Variants in PAPOLA observed in about 807,000 individuals in gnomAD.
The protein encoded by PAPOLA is poly(A) polymerase alpha, also known as polynucleotide adenylyltransferase alpha.
A neutral mutation model predicts 100.6 loss-of-function variants in PAPOLA; 15 were observed. That is an observed-to-expected ratio of 0.15 (90% CI 0.10 to 0.23). The LOEUF is 0.23. Among genes scored for constraint, PAPOLA ranks in the 10% least tolerant of loss-of-function variants. The pLI is 1.00. For synonymous variants in PAPOLA, 293 were observed against 300.0 expected, an observed-to-expected ratio of 0.98 and a Z score of 0.24; for missense variants, 533 against 884.2, an observed-to-expected ratio of 0.60 and a Z score of 5.04.
chr14:96,534,064 A>C (rs1318440255), intron 9 of PAPOLA: 1 of 989,554 alleles, frequency 1.0e-6, no homozygotes, highest in East Asian at 1.1e-4. Flanking sequence ...GAATTCTATA[A>C]TTATTCATAC....
chr14:96,562,883 T>G lies in PAPOLA; in HGVS notation c.2132T>G (p.Leu711Trp). The change falls in exon 21 of 22, where the codon TTG becomes TGG. Residue 711 changes from leucine to tryptophan, a missense_variant. By Grantham distance (61) the Leu-to-Trp change is moderately conservative. This residue lies in a region of PAPOLA where 242 missense variants were observed against 281.0 expected (regional missense o/e 0.86). Transcript: ENST00000216277. ...ACTATTCAGACAGCGGCTTCTCTGTTGGCCTCTCAGGTACTAAGTGCAAAA... is the reference window on the plus strand; with the variant it reads ...ACTATTCAGACAGCGGCTTCTCTGTGGGCCTCTCAGGTACTAAGTGCAAAA... ...SETIQTAASLLASQKTSSTDL... is the reference protein window; with the variant it reads ...SETIQTAASLWASQKTSSTDL... 6.2e-7 allele frequency: 1 copy of G among 1,609,432 alleles called. No homozygotes were observed. The highest frequency in any genetic ancestry group is 8.5e-7 in the Non-Finnish European group (1 of 1,176,128).
intron 3 of PAPOLA, among the ~76,000 whole-genome samples, chr14:96,523,063 TG>T (rs1949400085): frequency 6.6e-6 from 1 of 152,210 alleles, no homozygotes; most frequent in South Asian, 2.1e-4. Flanking sequence ...CTTCAGCAAA[TG>T]TAGTATTCTA....
intron 19 of PAPOLA, among the ~76,000 whole-genome samples, chr14:96,557,100 C>T (rs919196679): frequency 5.9e-5 from 9 of 152,120 alleles, no homozygotes; most frequent in African/African-American, 1.9e-4. Context: ...GGTTGGAGTG[C>T]AGTGGAGCAA....
At chr14:96,546,774 A>C (rs902619885) in intron 15 of PAPOLA, among the ~76,000 whole-genome samples, 2 of 152,050 alleles carry the variant, frequency 1.3e-5, no homozygotes, top group African/African-American at 4.8e-5. Context: ...TTGTGTGTTG[A>C]GAGTTTTTGG....
intron 6 of PAPOLA, 69 bp from the exon 7 acceptor site, chr14:96,531,406 T>C: frequency 7.9e-7 from 1 of 1,261,094 alleles, no homozygotes; most frequent in African/African-American, 1.5e-5. Flanking sequence ...TTTTGTTTGT[T>C]TGTTTTTTCA....
At chr14:96,534,418 T>G in intron 9 of PAPOLA, 73 bp from the exon 10 acceptor site, 1 of 1,578,176 alleles carries the variant, frequency 6.3e-7, no homozygotes, top group Non-Finnish European at 8.6e-7. Flanking sequence ...TCACAAATGC[T>G]GTATGTTTAA....
At chr14:96,525,250 A>G in intron 3 of PAPOLA, 60 bp from the exon 4 acceptor site, 1 of 777,678 alleles carries the variant, frequency 1.3e-6, no homozygotes, top group Non-Finnish European at 2.3e-6. Flanking sequence ...CCAGTATAGT[A>G]TCATTTGAAT....
chr14:96,545,655 G>A (rs1198842443), intron 15 of PAPOLA, among the ~76,000 whole-genome samples: 1 of 151,708 alleles, frequency 6.6e-6, no homozygotes. Context: ...TTTGTCTTTA[G>A]GAATGTAGGA....
chr14:96,557,303 G>C (rs1043875916), intron 19 of PAPOLA, among the ~76,000 whole-genome samples: 1 of 152,114 alleles, frequency 6.6e-6, no homozygotes, highest in Non-Finnish European at 1.5e-5. Flanking sequence ...CTCCTGTCTT[G>C]GTCTCCCAAA....
At chr14:96,522,074 AT>A (rs1306473180) in intron 3 of PAPOLA, among the ~76,000 whole-genome samples, 1 of 138,126 alleles carries the variant, frequency 7.2e-6, no homozygotes, top group Non-Finnish European at 1.5e-5. Flanking sequence ...AGTGCTTGGG[AT>A]TATAGGCATG....
At chr14:96,511,494 C>T (rs774815312) in intron 1 of PAPOLA, among the ~76,000 whole-genome samples, 2 of 152,186 alleles carry the variant, frequency 1.3e-5, no homozygotes, top group Non-Finnish European at 1.5e-5. Context: ...GTGTGTTAGT[C>T]GTCTGCCTAG....
chr14:96,550,178 A>C (rs1316272767), intron 16 of PAPOLA, among the ~76,000 whole-genome samples: 2 of 152,222 alleles, frequency 1.3e-5, no homozygotes, highest in Non-Finnish European at 2.9e-5. Context: ...TTAAAAAAGT[A>C]TACAAACGTT....
At position 96,562,678 on chromosome 14, in the gene PAPOLA, G is replaced by A. The variant is rs960516379; in HGVS notation, c.2068-141G>A. 8 of 567,618 alleles carry A rather than the reference G, an allele frequency of 1.4e-5. No homozygotes were observed. The Admixed American group carries it at 1.7e-4, about 12-fold the overall frequency. 35.2% of individuals were successfully genotyped at this position (567,618 alleles called of 1,614,324 possible). ...AACCTACAACATCTACTGACTAGAT[G>A]TTTTTGTAATGTAGTCACATCTTTC... is the stretch of plus-strand genomic sequence containing the variant. On this transcript the variant is annotated intron_variant, in intron 20 of 21. Transcript: ENST00000216277.
chr14:96,513,665 AC>A (rs1465619839), intron 1 of PAPOLA, among the ~76,000 whole-genome samples: 4 of 152,054 alleles, frequency 2.6e-5, no homozygotes, highest in African/African-American at 9.7e-5. Context: ...TTTCATTCTT[AC>A]CACATATATT....
At chr14:96,530,382 GT>G (rs571476137) in intron 6 of PAPOLA, among the ~76,000 whole-genome samples, 11 of 134,870 alleles carry the variant, frequency 8.2e-5, no homozygotes, top group Admixed American at 1.5e-4. Flanking sequence ...ATGTTTGTTT[GT>G]TTTTTTTTTT....
intron 20 of PAPOLA, 22 bp from the exon 21 acceptor site, chr14:96,562,796 TC>T: frequency 6.8e-7 from 1 of 1,470,088 alleles, no homozygotes; most frequent in Non-Finnish European, 9.5e-7. Context: ...TTTTCCCCCT[TC>T]CCCATCCTCT....
At chr14:96,531,958 T>G (rs1899055235) in intron 7 of PAPOLA, 12 of 1,261,006 alleles carry the variant, frequency 9.5e-6, no homozygotes, top group Non-Finnish European at 1.1e-5. Flanking sequence ...TACAATTTTA[T>G]ATTAGCATAG....
chr14:96,505,809 G>A (rs906428367), intron 1 of PAPOLA, among the ~76,000 whole-genome samples: 3 of 152,182 alleles, frequency 2.0e-5, no homozygotes, highest in Non-Finnish European at 4.4e-5. Flanking sequence ...AAGCAGTGGT[G>A]GAAAATGCTG....
At chr14:96,551,686 T>C (rs1900861597) in intron 16 of PAPOLA, among the ~76,000 whole-genome samples, 1 of 152,216 alleles carries the variant, frequency 6.6e-6, no homozygotes, top group South Asian at 2.1e-4. Flanking sequence ...AATGTAATAT[T>C]ACAGTAGTAC....
Sources: allele counts gnomAD v4.1 joint callset (sites outside exome capture counted in the v4.1 genomes callset), GRCh38; gene constraint gnomAD v4.1.1; regional missense constraint gnomAD v4.1.1; transcripts MANE v1.5; gene names NCBI Gene and HGNC (gene_info 2026-07-23, HGNC 2026-07-21).